Variants in EPSTI1 observed in about 807,000 individuals in gnomAD.
The protein encoded by EPSTI1 is epithelial stromal interaction 1.
A neutral mutation model predicts 49.9 loss-of-function variants in EPSTI1; 66 were observed. The ratio of observed to expected loss-of-function variants is 1.32; its 90% CI spans 1.08 to 1.62. The LOEUF is 1.62. EPSTI1 is among the 40% of genes most tolerant of loss of function. The pLI is 0.00. For missense variants in EPSTI1, 394 were observed against 365.5 expected (o/e 1.08, Z -0.64); for synonymous variants, 137 against 130.7 (o/e 1.05, Z -0.33).
intron 6 of EPSTI1, among the ~76,000 whole-genome samples, chr13:42,935,940 C>T (rs1480533823): frequency 6.6e-6 from 1 of 152,150 alleles, no homozygotes; most frequent in Non-Finnish European, 1.5e-5. Context: ...CAGTTCTCAG[C>T]TGACAATCTC....
chr13:42,955,884 G>A (rs902056029), intron 5 of EPSTI1, among the ~76,000 whole-genome samples: 1 of 143,340 alleles, frequency 7.0e-6, no homozygotes, highest in East Asian at 2.2e-4. Flanking sequence ...ATTTGGGGGG[G>A]GGGGGAAGTA....
At chr13:42,938,125 T>C (rs1034217900) in intron 6 of EPSTI1, among the ~76,000 whole-genome samples, 2 of 152,072 alleles carry the variant, frequency 1.3e-5, no homozygotes, top group African/African-American at 4.8e-5. Flanking sequence ...GTTTTGATAT[T>C]TGGTTTAGAA....
At chr13:42,937,022 T>C (rs569432267) in intron 6 of EPSTI1, among the ~76,000 whole-genome samples, 1 of 152,122 alleles carries the variant, frequency 6.6e-6, no homozygotes, top group East Asian at 1.9e-4. Context: ...GTTATAGTCA[T>C]ACGTCAGAGA....
intron 10 of EPSTI1, among the ~76,000 whole-genome samples, chr13:42,889,422 A>G (rs764792026): frequency 9.2e-5 from 14 of 152,186 alleles, no homozygotes; most frequent in Non-Finnish European, 1.9e-4. Context: ...TGACATTTCA[A>G]GAAACCACTG....
At chr13:42,899,721 A>G (rs1166050017) in intron 9 of EPSTI1, among the ~76,000 whole-genome samples, 3 of 152,206 alleles carry the variant, frequency 2.0e-5, no homozygotes, top group Admixed American at 1.3e-4. Context: ...TAATAATGGC[A>G]TACAATATGG....
intron 6 of EPSTI1, among the ~76,000 whole-genome samples, chr13:42,947,492 C>T (rs1172983772): frequency 6.6e-6 from 1 of 152,204 alleles, no homozygotes; most frequent in East Asian, 1.9e-4. Flanking sequence ...GACATGTCAT[C>T]CCTGATGTCA....
chr13:42,947,928 A>G (rs1184041026), intron 6 of EPSTI1, among the ~76,000 whole-genome samples: 2 of 152,224 alleles, frequency 1.3e-5, no homozygotes, highest in East Asian at 3.9e-4. Context: ...ATTGTCATCA[A>G]TAACGAGGCA....
chr13:42,923,672 GTAC>G (rs2038087676), intron 7 of EPSTI1, among the ~76,000 whole-genome samples: 1 of 152,198 alleles, frequency 6.6e-6, no homozygotes, highest in African/African-American at 2.4e-5. Flanking sequence ...GATGATGCTG[GTAC>G]TTCTGCCTAC....
At chr13:42,953,927 G>A in intron 6 of EPSTI1, 21 bp downstream of exon 6, 1 of 1,603,464 alleles carries the variant, frequency 6.2e-7, no homozygotes, top group Non-Finnish European at 8.5e-7. Flanking sequence ...AAGGCACGAA[G>A]TTCTGAAAAC....
intron 1 of EPSTI1, among the ~76,000 whole-genome samples, chr13:42,975,294 A>G (rs2039860160): frequency 6.6e-6 from 1 of 152,152 alleles, no homozygotes; most frequent in Admixed American, 6.5e-5. Flanking sequence ...ATTACCCTTG[A>G]CCCCTAAGCC....
At chr13:42,923,386 C>A (rs1158881174) in intron 7 of EPSTI1, among the ~76,000 whole-genome samples, 1 of 152,084 alleles carries the variant, frequency 6.6e-6, no homozygotes, top group African/African-American at 2.4e-5. Context: ...TGTGGCAAAA[C>A]CCTGTCTCTA....
chr13:42,891,493 T>C (rs889301197), intron 10 of EPSTI1, among the ~76,000 whole-genome samples: 3 of 152,212 alleles, frequency 2.0e-5, no homozygotes, highest in African/African-American at 4.8e-5. Flanking sequence ...TTAGGAGGGT[T>C]TTTTTTGCCA....
chr13:42,990,770 A>G (rs2040179868), intron 1 of EPSTI1, among the ~76,000 whole-genome samples: 1 of 152,236 alleles, frequency 6.6e-6, no homozygotes, highest in Admixed American at 6.5e-5. Context: ...TTTATCGGCC[A>G]TAAGGTTATA....
intron 8 of EPSTI1, among the ~76,000 whole-genome samples, chr13:42,903,429 G>A (rs189941937): frequency 6.6e-6 from 1 of 152,162 alleles, no homozygotes; most frequent in African/African-American, 2.4e-5. Context: ...GGATGCAGGG[G>A]GAGGGAGAGC....
At chr13:42,935,650 G>A (rs1020169152) in intron 6 of EPSTI1, among the ~76,000 whole-genome samples, 25 of 151,972 alleles carry the variant, frequency 1.6e-4, no homozygotes, top group African/African-American at 5.6e-4. Context: ...GGAGTGTAAC[G>A]GCGTGATCTC....
At chr13:42,988,567 C>T (rs1441244214) in intron 1 of EPSTI1, among the ~76,000 whole-genome samples, 4 of 152,086 alleles carry the variant, frequency 2.6e-5, no homozygotes, top group African/African-American at 7.2e-5. Context: ...CCCGTCTCTA[C>T]TAAAAATACG....
intron 3 of EPSTI1, among the ~76,000 whole-genome samples, chr13:42,965,318 AC>A (rs1011859987): frequency 6.6e-6 from 1 of 152,072 alleles, no homozygotes; most frequent in Non-Finnish European, 1.5e-5. Flanking sequence ...TTTCTTTTCT[AC>A]CCCCAAGTCC....
chr13:42,979,593 AAAAAAAAAAG>A (rs1237637574), intron 1 of EPSTI1, among the ~76,000 whole-genome samples: 1 of 123,748 alleles, frequency 8.1e-6, no homozygotes, highest in Non-Finnish European at 1.7e-5. Context: ...TCAAAAAAAA[AAAAAAAAAAG>A]AAAAGAAAAG....
At chr13:42,926,121 A>T (rs1034916755) in intron 7 of EPSTI1, among the ~76,000 whole-genome samples, 1 of 148,368 alleles carries the variant, frequency 6.7e-6, no homozygotes, top group Non-Finnish European at 1.5e-5. Flanking sequence ...GAGAGGAAAA[A>T]CTTCTCTGAG....
Sources: gnomAD v4.1 joint callset for allele counts (sites outside exome capture counted in the v4.1 genomes callset) on GRCh38, gnomAD v4.1.1 for gene constraint, MANE v1.5 for transcripts, NCBI Gene and HGNC (gene_info 2026-07-23, HGNC 2026-07-21) for gene names.